The following PHTF2 variants were observed in gnomAD, a reference collection of about 807,000 sequenced individuals.
PHTF2 encodes the protein putative homeodomain transcription factor 2, also known as protein PHTF2.
A neutral mutation model predicts 101.2 loss-of-function variants in PHTF2; 60 were observed. The observed-to-expected ratio is 0.59, with a 90% CI of 0.48 to 0.73. PHTF2 has a LOEUF of 0.73. PHTF2 is among the 30% of genes least tolerant of loss of function. The pLI is 0.00. For missense variants in PHTF2, 747 were observed against 908.7 expected (o/e 0.82, Z 2.29); for synonymous variants, 311 against 307.3 (o/e 1.01, Z -0.13).
chr7:77,842,324 C>T (rs1795953389), intron 2 of PHTF2, among the ~76,000 whole-genome samples: 1 of 152,148 alleles, frequency 6.6e-6, no homozygotes, highest in Non-Finnish European at 1.5e-5. Flanking sequence ...TCACCTCAGC[C>T]TCCCAAGTAG....
At chr7:77,939,693 TTTCAG>T (rs1415450448) in intron 13 of PHTF2, among the ~76,000 whole-genome samples, 4 of 152,006 alleles carry the variant, frequency 2.6e-5, no homozygotes, top group Admixed American at 2.6e-4. Flanking sequence ...ATGAACTGAA[TTTCAG>T]TGGATATGAG....
At chr7:77,928,704 A>T (rs4729881) in intron 11 of PHTF2, among the ~76,000 whole-genome samples, 16,776 of 152,198 alleles carry the variant, frequency 0.11, 1,348 homozygotes, top group African/African-American at 0.22. Flanking sequence ...CTATCTGCAG[A>T]TGTGGAATGC....
At chr7:77,873,692 C>G (rs898934319) in intron 3 of PHTF2, among the ~76,000 whole-genome samples, 3 of 152,154 alleles carry the variant, frequency 2.0e-5, no homozygotes, top group African/African-American at 4.8e-5. Flanking sequence ...GATGAGGAAG[C>G]TGTTCCTTCT....
chr7:77,823,861 G>A (rs969118218), intron 1 of PHTF2, among the ~76,000 whole-genome samples: 1 of 152,186 alleles, frequency 6.6e-6, no homozygotes. Flanking sequence ...TGTAAAAGAA[G>A]GGTTTTGAAT....
intron 1 of PHTF2, among the ~76,000 whole-genome samples, chr7:77,819,159 A>G (rs1794077819): frequency 6.6e-6 from 1 of 152,160 alleles, no homozygotes; most frequent in Non-Finnish European, 1.5e-5. Context: ...GTTTTTCTAT[A>G]TATAAGATTG....
At chr7:77,932,633 T>A (rs1286008537) in intron 12 of PHTF2, among the ~76,000 whole-genome samples, 5 of 151,018 alleles carry the variant, frequency 3.3e-5, no homozygotes, top group African/African-American at 1.2e-4. Flanking sequence ...TGTGTGTGTG[T>A]GTGTGTGTGT....
chr7:77,831,142 C>T (rs1795048699), intron 1 of PHTF2, among the ~76,000 whole-genome samples: 1 of 152,212 alleles, frequency 6.6e-6, no homozygotes. Flanking sequence ...GACTGGCTAT[C>T]CAACAAGCCA....
rs1802238532 is a variant in PHTF2 at position 77,910,086 on chromosome 7, C to T, written c.612-159C>T. On this transcript the variant is annotated intron_variant, in intron 8 of 19. Coordinates refer to ENST00000416283, the Ensembl canonical transcript of PHTF2. The stretch of plus-strand genomic sequence containing the variant: ...CTAGAAATTGGTCTTGAATATGCAT[C>T]ATGATATTTGGATTAAATTTTATCT... The T allele has an allele frequency of 1.2e-5, 7 of 576,568 alleles. No individual in the cohort carries two copies. The South Asian group carries it at 1.5e-4, about 13-fold the overall frequency. The allele number at this position is 576,568 out of a possible 1,614,324, so 35.7% of individuals were successfully genotyped here. A position where few individuals can be genotyped will look rare whatever the true frequency, so the allele number is the denominator to read the frequency against.
At chr7:77,870,164 C>T (rs996788458) in intron 3 of PHTF2, among the ~76,000 whole-genome samples, 1 of 151,440 alleles carries the variant, frequency 6.6e-6, no homozygotes, top group Non-Finnish European at 1.5e-5. Context: ...TTGCCTAGAT[C>T]AGTGTCCTGA....
rs147815732 is a variant in PHTF2 at position 77,910,649 on chromosome 7, C to CTT, written c.776+249_776+250dup. ...TCAAAGCATATTTAGCTAGGATTTCCTTTTTTTTTTGGGACAGAGTCTGGC... is the reference window on the plus strand; with the variant it reads ...TCAAAGCATATTTAGCTAGGATTTCCTTTTTTTTTTTTGGGACAGAGTCTGGC... On this transcript the variant is annotated intron_variant, in intron 9 of 19. Coordinates refer to ENST00000416283, the Ensembl canonical transcript of PHTF2. 3.4e-5 allele frequency among the ~76,000 whole-genome samples: 5 copies of CTT among 147,652 alleles called. No individual in the cohort carries two copies. The East Asian group carries it at 9.8e-4, about 29-fold the overall frequency.
intron 6 of PHTF2, 102 bp downstream of exon 5, chr7:77,900,882 A>G: frequency 1.5e-6 from 1 of 668,776 alleles, no homozygotes; most frequent in South Asian, 1.7e-5. Flanking sequence ...TTGCATTGCT[A>G]TAAAGAAATA....
At chr7:77,839,012 C>CTCA (rs1234122066) in intron 1 of PHTF2, among the ~76,000 whole-genome samples, 2 of 152,032 alleles carry the variant, frequency 1.3e-5, no homozygotes, top group Non-Finnish European at 2.9e-5. Flanking sequence ...CATGCTCCCA[C>CTCA]TCATGCATGC....
intron 3 of PHTF2, among the ~76,000 whole-genome samples, chr7:77,892,162 CG>C: frequency 6.6e-6 from 1 of 152,112 alleles, no homozygotes; most frequent in Non-Finnish European, 1.5e-5. Context: ...TGGTGGCACG[CG>C]CCTGTAGCCC....
At chr7:77,846,057 T>C (rs992623000) in intron 2 of PHTF2, among the ~76,000 whole-genome samples, 7 of 152,186 alleles carry the variant, frequency 4.6e-5, no homozygotes, top group South Asian at 4.1e-4. Flanking sequence ...GGTCCCTCCA[T>C]ACCCCTTCTC....
intron 1 of PHTF2, among the ~76,000 whole-genome samples, chr7:77,832,263 A>G (rs1795131860): frequency 6.6e-6 from 1 of 152,164 alleles, no homozygotes; most frequent in African/African-American, 2.4e-5. Flanking sequence ...ACATGCTTCA[A>G]ACATTAACAG....
At chr7:77,905,175 C>G (rs1374507494) in intron 7 of PHTF2, among the ~76,000 whole-genome samples, 2 of 152,102 alleles carry the variant, frequency 1.3e-5, no homozygotes, top group African/African-American at 2.4e-5. Flanking sequence ...CTAATTGCCA[C>G]TGAATCTTAA....
intron 7 of PHTF2, among the ~76,000 whole-genome samples, chr7:77,903,496 C>T (rs574335066): frequency 2.0e-5 from 3 of 152,244 alleles, no homozygotes; most frequent in Non-Finnish European, 4.4e-5. Flanking sequence ...AACAAGTTTC[C>T]AATGTAACTA....
intron 16 of PHTF2, 79 bp downstream of exon 15, chr7:77,942,865 A>T: frequency 1.4e-6 from 1 of 727,274 alleles, no homozygotes; most frequent in Admixed American, 3.2e-5. Context: ...TCAAATAATA[A>T]TATAAGTAAG....
intron 9 of PHTF2, among the ~76,000 whole-genome samples, chr7:77,914,586 T>C (rs1431394411): frequency 1.3e-5 from 2 of 152,180 alleles, no homozygotes; most frequent in Non-Finnish European, 2.9e-5. Flanking sequence ...CAAGCTTCTT[T>C]AACACCCAGA....
Sources: gnomAD v4.1 joint callset for allele counts (sites outside exome capture counted in the v4.1 genomes callset) on GRCh38, gnomAD v4.1.1 for gene constraint, MANE v1.5 for transcripts, NCBI Gene and HGNC (gene_info 2026-07-23, HGNC 2026-07-21) for gene names.